Variants in RUFY3 observed in about 807,000 individuals in gnomAD.
RUFY3 encodes the protein RUN and FYVE domain containing 3.
In RUFY3, 34 loss-of-function variants were observed where a neutral mutation model predicts 84.0. That is an observed-to-expected ratio of 0.40 (90% confidence interval 0.31 to 0.54). The LOEUF (loss-of-function observed/expected upper bound fraction) is 0.54, where lower values mean the gene tolerates loss of function less well. Ranked by LOEUF, RUFY3 falls within the 20% of genes least tolerant of loss-of-function variation. The pLI, the probability that RUFY3 is intolerant of heterozygous loss-of-function variation, is 0.39. For synonymous variants in RUFY3, 242 were observed against 252.9 expected, an observed-to-expected ratio of 0.96 and a Z score of 0.41; for missense variants, 507 against 736.8, an observed-to-expected ratio of 0.69 and a Z score of 3.61.
intron 1 of RUFY3, among the ~76,000 whole-genome samples, chr4:70,733,716 T>G (rs1156657416): frequency 6.6e-6 from 1 of 152,190 alleles, no homozygotes; most frequent in Non-Finnish European, 1.5e-5. Context: ...TTAAGCTGCA[T>G]ATTTACTATA....
At chr4:70,736,562 ATTTCT>A (rs143470620) in intron 1 of RUFY3, among the ~76,000 whole-genome samples, 2,332 of 151,138 alleles carry the variant, frequency 0.015, 73 homozygotes, top group African/African-American at 0.051. Flanking sequence ...ATGTGCTATA[ATTTCT>A]TTTCTTTTCT....
exon 1 of RUFY3, chr4:70,705,264 GGCGGCGGCAGCAGCGGCA>G: frequency 1.4e-6 from 2 of 1,440,792 alleles, no homozygotes; most frequent in Non-Finnish European, 1.8e-6. Flanking sequence ...CCCGAGCGGC[GGCGGCGGCAGCAGCGGCA>G]GCGGCAAGCA....
chr4:70,753,663 C>T (rs958699595), intron 1 of RUFY3, among the ~76,000 whole-genome samples: 2 of 152,120 alleles, frequency 1.3e-5, no homozygotes, highest in Non-Finnish European at 2.9e-5. Flanking sequence ...TGTTCTGAGA[C>T]CAGAGAGTAG....
chr4:70,766,152 G>A lies in RUFY3; in HGVS notation c.572+1576G>A, dbSNP rs145640418. Among the ~76,000 whole-genome samples, 4 of 152,254 alleles carry A rather than the reference G, an allele frequency of 2.6e-5. No homozygotes were observed. In the East Asian group the frequency reaches 7.7e-4, roughly 29 times the overall value. ...TGATTGAGGTTGACCTTTACCCCCA[G>A]GTAACTTGTTGAAAACAAATTGATT... On this transcript the variant is annotated intron_variant, in intron 4 of 17. Transcript: ENST00000381006.
At chr4:70,749,397 TA>T (rs754417861) in intron 1 of RUFY3, among the ~76,000 whole-genome samples, 4 of 152,158 alleles carry the variant, frequency 2.6e-5, no homozygotes, top group South Asian at 2.1e-4. Context: ...CAAGCTAATA[TA>T]TTTTTTTTTA....
At chr4:70,740,095 G>A (rs561609135) in intron 1 of RUFY3, among the ~76,000 whole-genome samples, 10 of 152,118 alleles carry the variant, frequency 6.6e-5, no homozygotes, top group South Asian at 6.2e-4. Context: ...GATTTAAGCT[G>A]GTGGCACTGT....
chr4:70,721,209 G>T (rs994541880), upstream of RUFY3, among the ~76,000 whole-genome samples: 2 of 152,076 alleles, frequency 1.3e-5, no homozygotes, highest in African/African-American at 4.8e-5. Flanking sequence ...CTACTCGGGA[G>T]GCTGAGGCAG....
rs1418867311 is a variant in RUFY3 at position 70,734,420 on chromosome 4, G to A, written c.178+11669G>A. On this transcript the variant is annotated intron_variant, in intron 1 of 17. Transcript: ENST00000381006. ...GTCAGCCTTAGATTTACACTGTCAG[G>A]TTCTCTGAGCTGTGATTATGTGTTC... 3.0e-6 allele frequency: 3 copies of A among 985,240 alleles called. No homozygotes were observed. The African/African-American group carries it at 5.2e-5, about 17-fold the overall frequency. The allele number at this position is 985,240 out of a possible 1,614,324, so 61.0% of individuals were successfully genotyped here. A position where few individuals can be genotyped will look rare whatever the true frequency, so the allele number is the denominator to read the frequency against.
chr4:70,741,213 T>C (rs113583068), intron 1 of RUFY3, among the ~76,000 whole-genome samples: 2 of 152,224 alleles, frequency 1.3e-5, no homozygotes, highest in African/African-American at 4.8e-5. Context: ...ATATTTGTCC[T>C]GAATCTAAAA....
At chr4:70,778,461 T>C (rs756022642) in intron 8 of RUFY3, 23 bp downstream of exon 8, 4 of 1,390,296 alleles carry the variant, frequency 2.9e-6, no homozygotes, top group Admixed American at 1.7e-5. Flanking sequence ...AATGCTTTGA[T>C]TGACTTATAG....
At chr4:70,775,727 C>T (rs1055637927) in intron 7 of RUFY3, among the ~76,000 whole-genome samples, 6 of 151,958 alleles carry the variant, frequency 3.9e-5, no homozygotes, top group African/African-American at 1.4e-4. Context: ...AGGAGGATTG[C>T]TTTAGCTCAG....
At chr4:70,754,565 G>A (rs559076985) in intron 1 of RUFY3, among the ~76,000 whole-genome samples, 1 of 148,228 alleles carries the variant, frequency 6.7e-6, no homozygotes, top group African/African-American at 2.5e-5. Flanking sequence ...TAGAATAAAA[G>A]TTCATGATTG....
upstream of RUFY3, among the ~76,000 whole-genome samples, chr4:70,720,964 T>G (rs1225119891): frequency 6.6e-6 from 1 of 151,454 alleles, no homozygotes; most frequent in Admixed American, 6.6e-5. Context: ...CTTCAGTATC[T>G]TATCGAATGG....
At chr4:70,764,602 T>C (rs564317819) in intron 4 of RUFY3, 26 bp downstream of exon 4, 6 of 1,368,212 alleles carry the variant, frequency 4.4e-6, no homozygotes, top group Non-Finnish European at 5.2e-6. Context: ...TGAACTTTCT[T>C]CTTTCCTTGG....
Position 70,793,827 on chromosome 4 carries a change from C to A in RUFY3, c.1380C>A (p.Asp460Glu). ...GAAGCCGCCAATCTGCTGAGTTGGA[C>A]AACCGGCTCTTCAAACAGGACTTTG... ...AERSRQSAEL[D>E]NRLFKQDFGD... The change falls in exon 13 of 18, where the codon GAC becomes GAA. Residue 460 changes from aspartate (D) to glutamate (E), a missense_variant. Around this residue, in one of 4 missense-constraint regions of RUFY3, gnomAD observed 334 missense variants for 364.1 expected, o/e 0.92. Transcript: ENST00000381006. The A allele has an allele frequency of 6.2e-7, 1 of 1,614,118 alleles. No individual in the cohort carries two copies. Among genetic ancestry groups the A allele is most frequent in the Non-Finnish European group, 8.5e-7 (1 of 1,180,024 alleles).
chr4:70,806,027 G>A (rs1732798001), intron 17 of RUFY3, among the ~76,000 whole-genome samples: 2 of 152,208 alleles, frequency 1.3e-5, no homozygotes, highest in South Asian at 4.1e-4. Context: ...TGATAACCCA[G>A]TGGATGTGCT....
At chr4:70,760,042 G>T (rs1724757044) in intron 1 of RUFY3, among the ~76,000 whole-genome samples, 1 of 152,136 alleles carries the variant, frequency 6.6e-6, no homozygotes. Flanking sequence ...TAAAGAATGG[G>T]TAGGTTGTTT....
chr4:70,799,829 T>A (rs1450141430), intron 14 of RUFY3: 4 of 249,168 alleles, frequency 1.6e-5, no homozygotes, highest in Non-Finnish European at 2.2e-5. Context: ...AAAAAAAAAA[T>A]TATACTTCCC....
intron 1 of RUFY3, among the ~76,000 whole-genome samples, chr4:70,751,883 T>C (rs1333850413): frequency 6.6e-6 from 1 of 152,212 alleles, no homozygotes; most frequent in Non-Finnish European, 1.5e-5. Flanking sequence ...TATTTTGAGC[T>C]TTTTAAAAAA....
Sources: allele counts gnomAD v4.1 joint callset (sites outside exome capture counted in the v4.1 genomes callset), GRCh38; gene constraint gnomAD v4.1.1; regional missense constraint gnomAD v4.1.1; transcripts MANE v1.5; gene names NCBI Gene and HGNC (gene_info 2026-07-23, HGNC 2026-07-21).